The following VEPH1 variants were observed in gnomAD, a reference collection of about 807,000 sequenced individuals.
VEPH1 encodes ventricular zone-expressed PH domain-containing protein homolog 1.
A neutral mutation model predicts 85.2 loss-of-function variants in VEPH1; 80 were observed. The observed-to-expected ratio is 0.94, with a 90% confidence interval of 0.78 to 1.13. The LOEUF (loss-of-function observed/expected upper bound fraction) is 1.13. Ranked by LOEUF, VEPH1 falls within the 50% of genes most tolerant of loss-of-function variation. The pLI, the probability that VEPH1 is intolerant of heterozygous loss-of-function variation, is 0.00. For synonymous variants in VEPH1, 297 were observed against 348.0 expected (o/e 0.85, Z 1.63); for missense variants, 955 against 980.5 (o/e 0.97, Z 0.35).
In VEPH1 at chr3:157,465,634, G is replaced by A. The variant is rs1048566901; in HGVS notation, c.354+4680C>T. ...CATCTCTAAGAGTTGTGAAGGAAAT[G>A]CTCTCCACTGTCTGAGGCACTTCAC... On this transcript the variant is annotated intron_variant, in intron 3 of 13. Coordinates refer to ENST00000362010, the MANE Select transcript of VEPH1 (RefSeq NM_001167912.2). 7.2e-5 allele frequency among the ~76,000 whole-genome samples: 11 copies of A among 152,194 alleles called. No individual in the cohort carries two copies. The South Asian group carries it at 2.3e-3, about 32-fold the overall frequency.
At chr3:157,331,544 T>C (rs1375153537) in intron 9 of VEPH1, among the ~76,000 whole-genome samples, 1 of 152,194 alleles carries the variant, frequency 6.6e-6, no homozygotes, top group Non-Finnish European at 1.5e-5. Context: ...GCGGGATATA[T>C]TTGAGAAATT....
intron 2 of VEPH1, among the ~76,000 whole-genome samples, chr3:157,482,310 GC>G (rs1738184018): frequency 6.6e-6 from 1 of 152,082 alleles, no homozygotes; most frequent in Non-Finnish European, 1.5e-5. Context: ...CGTAACCTCT[GC>G]CTCCCAGGTT....
At chr3:157,435,737 G>A (rs999064298) in intron 4 of VEPH1, among the ~76,000 whole-genome samples, 6 of 152,114 alleles carry the variant, frequency 3.9e-5, no homozygotes, top group African/African-American at 1.4e-4. Flanking sequence ...ACTTTAATGG[G>A]AGCTCATCTG....
rs1467277982 is a variant in VEPH1, at chr3:157,476,738, C to A, written c.139-6209G>T. 2.0e-5 allele frequency among the ~76,000 whole-genome samples: 3 copies of A among 152,162 alleles called. No individual in the cohort carries two copies. The South Asian group carries it at 6.2e-4, about 32-fold the overall frequency. ...CTCAGGTTCTTTGTGTCAAGGGGAC[C>A]AGCAGATTAAGAAAGGAGTTGCCAA... On this transcript the variant is annotated intron_variant, in intron 2 of 13. Transcript: ENST00000362010.
intron 10 of VEPH1, 77 bp from the exon 11 acceptor site, chr3:157,313,832 C>T: frequency 6.5e-7 from 1 of 1,532,722 alleles, no homozygotes; most frequent in East Asian, 2.3e-5. Flanking sequence ...TTTCAAGGCA[C>T]TGTTTAGGCT....
At chr3:157,412,900 T>C (rs1731636473) in intron 6 of VEPH1, among the ~76,000 whole-genome samples, 1 of 152,040 alleles carries the variant, frequency 6.6e-6, no homozygotes, top group Non-Finnish European at 1.5e-5. Flanking sequence ...TAAGACAAAA[T>C]TCGAAAATGG....
chr3:157,265,781 A>G (rs1713557444), intron 12 of VEPH1, 119 bp from the exon 13 acceptor site: 3 of 1,033,294 alleles, frequency 2.9e-6, no homozygotes, highest in South Asian at 2.2e-5. Flanking sequence ...AAAGTAGGCT[A>G]ATAAATGATG....
chr3:157,327,590 C>G, intron 9 of VEPH1, among the ~76,000 whole-genome samples: 1 of 152,116 alleles, frequency 6.6e-6, no homozygotes, highest in East Asian at 1.9e-4. Context: ...AATCAGGGAA[C>G]TTTAGAAACA....
chr3:157,360,314 A>T (rs1162760276), intron 9 of VEPH1, among the ~76,000 whole-genome samples: 1 of 152,192 alleles, frequency 6.6e-6, no homozygotes. Context: ...TCTCTGTGCA[A>T]GGAATTGCCC....
At chr3:157,299,433 G>A (rs971475691) in intron 11 of VEPH1, among the ~76,000 whole-genome samples, 12 of 151,704 alleles carry the variant, frequency 7.9e-5, no homozygotes, top group Admixed American at 2.6e-4. Flanking sequence ...GGTGTTGGGC[G>A]CCTGTAGTGC....
At chr3:157,416,862 G>A (rs1039331417) in intron 5 of VEPH1, among the ~76,000 whole-genome samples, 1 of 146,764 alleles carries the variant, frequency 6.8e-6, no homozygotes, top group African/African-American at 2.6e-5. Context: ...GAGAGAAAGA[G>A]AAAGAAAGAC....
At chr3:157,354,205 A>G (rs2108730699) in intron 9 of VEPH1, among the ~76,000 whole-genome samples, 1 of 152,088 alleles carries the variant, frequency 6.6e-6, no homozygotes, top group African/African-American at 2.4e-5. Context: ...TATACTTTCC[A>G]CTCAATTTTG....
chr3:157,369,192 A>AC (rs1553773116), intron 7 of VEPH1, among the ~76,000 whole-genome samples: 11 of 142,782 alleles, frequency 7.7e-5, no homozygotes, highest in African/African-American at 2.3e-4. Context: ...AAAAAAAAAA[A>AC]AAAAAAAAAA....
At chr3:157,407,874 G>A (rs1178597446) in intron 6 of VEPH1, among the ~76,000 whole-genome samples, 1 of 152,072 alleles carries the variant, frequency 6.6e-6, no homozygotes, top group Non-Finnish European at 1.5e-5. Flanking sequence ...AAACCTAAGA[G>A]GTGAATAATA....
chr3:157,429,249 G>A (rs1732965233), intron 4 of VEPH1, among the ~76,000 whole-genome samples: 1 of 152,040 alleles, frequency 6.6e-6, no homozygotes, highest in Non-Finnish European at 1.5e-5. Context: ...ATGTCTCAGG[G>A]GAATTGGTTT....
intron 4 of VEPH1, among the ~76,000 whole-genome samples, chr3:157,429,924 T>C (rs1018251308): frequency 2.0e-5 from 3 of 152,182 alleles, no homozygotes; most frequent in African/African-American, 7.2e-5. Flanking sequence ...CCTGGGAGCC[T>C]TGAAGGGAAA....
At chr3:157,472,014 C>G (rs761061227) in intron 2 of VEPH1, among the ~76,000 whole-genome samples, 3 of 152,046 alleles carry the variant, frequency 2.0e-5, no homozygotes, top group Non-Finnish European at 4.4e-5. Context: ...GTTAATCTCC[C>G]TGTCAGCGCT....
rs556730899 is a variant in VEPH1 at position 157,342,615 on chromosome 3, A to C, written c.1735+20749T>G. Reference sequence around the variant, plus strand: ...ACTCCACTGTCAACATTAGACAGATAAACGAGACAGAAAGTTAACAAGGAT... The same window carrying C: ...ACTCCACTGTCAACATTAGACAGATCAACGAGACAGAAAGTTAACAAGGAT... On this transcript the variant is annotated intron_variant, in intron 9 of 13. Transcript: ENST00000362010. 4.6e-5 allele frequency among the ~76,000 whole-genome samples: 7 copies of C among 152,238 alleles called. No homozygotes were observed. In the East Asian group the frequency reaches 9.6e-4, roughly 21 times the overall value.
rs79203359 is a variant in VEPH1, at chr3:157,265,804, C to G, written c.2129-142G>C. On this transcript the variant is annotated intron_variant, in intron 12 of 13. Coordinates refer to ENST00000362010, the MANE Select transcript of VEPH1 (RefSeq NM_001167912.2). Reference sequence around the variant, plus strand: ...CTAATAAATGATGAATTTGGTTAACCTTTCCTCCTTTGTCCCTAAAAGAAT... The same window carrying G: ...CTAATAAATGATGAATTTGGTTAACGTTTCCTCCTTTGTCCCTAAAAGAAT... 3,649 of 815,978 alleles carry G rather than the reference C, an allele frequency of 4.5e-3. 178 individuals are homozygous for G. The East Asian group carries it at 0.084, about 19-fold the overall frequency. The allele number at this position is 815,978 out of a possible 1,614,324, so 50.5% of individuals were successfully genotyped here. A position where few individuals can be genotyped will look rare whatever the true frequency, so the allele number is the denominator to read the frequency against.
Sources: allele counts gnomAD v4.1 joint callset (sites outside exome capture counted in the v4.1 genomes callset), GRCh38; gene constraint gnomAD v4.1.1; transcripts MANE v1.5; gene names NCBI Gene and HGNC (gene_info 2026-07-23, HGNC 2026-07-21).